CNBD1: variants seen among roughly 807,000 people sequenced by gnomAD.
CNBD1 encodes cyclic nucleotide binding domain containing 1, also known as cyclic nucleotide-binding domain-containing protein 1.
Under a neutral mutation model 54.4 loss-of-function variants are expected in CNBD1, and 71 were observed. The observed-to-expected ratio is 1.30, with a 90% CI of 1.08 to 1.59. CNBD1 has a LOEUF of 1.59. Ranked by LOEUF, CNBD1 falls within the 40% of genes most tolerant of loss-of-function variation. The pLI is 0.00. For synonymous variants in CNBD1, 182 were observed against 170.7 expected (o/e 1.07, Z -0.51); for missense variants, 659 against 518.0 (o/e 1.27, Z -2.64).
intron 8 of CNBD1, among the ~76,000 whole-genome samples, chr8:87,332,034 T>C (rs1488341256): frequency 6.6e-6 from 1 of 152,180 alleles, no homozygotes; most frequent in Admixed American, 6.5e-5. Context: ...TGATGATAGA[T>C]TCTTTTGCTG....
At chr8:86,950,052 GTTTTTTTTTTTT>G (rs55781806) in intron 4 of CNBD1, among the ~76,000 whole-genome samples, 1 of 14,368 alleles carries the variant, frequency 7.0e-5, no homozygotes, top group Admixed American at 1.0e-3. Context: ...TGCCTCCCGG[GTTTTTTTTTTTT>G]TTTTTTTTTT....
rs113928689 is a variant in CNBD1, at chr8:87,118,696, G to A, written c.432-87297G>A. On this transcript the variant is annotated intron_variant, in intron 4 of 10. Transcript: ENST00000518476. ...ATGATTTGGGATCAAATGAACGTTC[G>A]TTATATATTCTCCTCTTAGTGGTTC... is the stretch of plus-strand genomic sequence containing the variant. Among the ~76,000 whole-genome samples the A allele has an allele frequency of 3.3e-3, 505 of 152,242 alleles. 4 individuals carry two copies. The highest frequency in any genetic ancestry group is 0.011 in the African/African-American group (466 of 41,556).
intron 2 of CNBD1, among the ~76,000 whole-genome samples, chr8:86,888,119 T>A (rs1490834543): frequency 1.3e-5 from 2 of 152,182 alleles, no homozygotes; most frequent in Non-Finnish European, 2.9e-5. Context: ...TTTCCTTCCA[T>A]ATGCATCAGT....
intron 1 of CNBD1, among the ~76,000 whole-genome samples, chr8:86,886,041 C>G (rs1301431727): frequency 6.6e-6 from 1 of 152,096 alleles, no homozygotes; most frequent in African/African-American, 2.4e-5. Flanking sequence ...TTTAAAGCCT[C>G]TCTTTTTTGG....
intron 7 of CNBD1, among the ~76,000 whole-genome samples, chr8:87,285,637 A>C (rs894536088): frequency 2.6e-4 from 39 of 152,184 alleles, no homozygotes; most frequent in African/African-American, 9.1e-4. Flanking sequence ...TTAGGAGACC[A>C]AGGCAGGCAG....
intron 4 of CNBD1, among the ~76,000 whole-genome samples, chr8:87,180,895 T>C (rs1813298202): frequency 6.6e-6 from 1 of 152,142 alleles, no homozygotes; most frequent in Non-Finnish European, 1.5e-5. Flanking sequence ...TTTATTGATT[T>C]TATTTGCTGT....
chr8:86,981,405 AC>A (rs1311076393), intron 4 of CNBD1, among the ~76,000 whole-genome samples: 1 of 152,192 alleles, frequency 6.6e-6, no homozygotes, highest in Non-Finnish European at 1.5e-5. Flanking sequence ...TCTCTTGGTA[AC>A]ATCACAATTC....
chr8:87,178,595 C>A (rs1813246966), intron 4 of CNBD1, among the ~76,000 whole-genome samples: 1 of 152,174 alleles, frequency 6.6e-6, no homozygotes, highest in Non-Finnish European at 1.5e-5. Flanking sequence ...CTGATGGAAT[C>A]TAGCGACAAA....
intron 4 of CNBD1, among the ~76,000 whole-genome samples, chr8:87,180,078 GA>G (rs1049484631): frequency 6.6e-6 from 1 of 151,930 alleles, no homozygotes; most frequent in African/African-American, 2.4e-5. Context: ...AGCACGAAGT[GA>G]AAACTTAAAT....
At chr8:87,285,645 C>T (rs1028528136) in intron 7 of CNBD1, among the ~76,000 whole-genome samples, 2 of 151,672 alleles carry the variant, frequency 1.3e-5, no homozygotes, top group African/African-American at 4.8e-5. Context: ...CCAAGGCAGG[C>T]AGATCAGCTG....
chr8:87,373,566 G>A (rs563082211), intron 10 of CNBD1, among the ~76,000 whole-genome samples: 1 of 151,864 alleles, frequency 6.6e-6, no homozygotes, highest in African/African-American at 2.4e-5. Flanking sequence ...TTAGATGACT[G>A]GTATGTAAAG....
chr8:86,943,292 T>C (rs931264160), intron 4 of CNBD1, among the ~76,000 whole-genome samples: 42 of 147,684 alleles, frequency 2.8e-4, no homozygotes, highest in African/African-American at 9.4e-4. Flanking sequence ...GAGGCAGGAA[T>C]TGCTTGAACG....
At chr8:87,006,016 TAAGAA>T (rs1375130982) in intron 4 of CNBD1, among the ~76,000 whole-genome samples, 3 of 152,164 alleles carry the variant, frequency 2.0e-5, no homozygotes, top group Non-Finnish European at 4.4e-5. Flanking sequence ...GTAAATGCTC[TAAGAA>T]AAGGGAGGAA....
intron 8 of CNBD1, among the ~76,000 whole-genome samples, chr8:87,334,719 C>CTTTTTTTTTTTTTTT (rs758083191): frequency 7.9e-6 from 1 of 126,146 alleles, no homozygotes; most frequent in Non-Finnish European, 1.7e-5. Flanking sequence ...TTTCTTTTTT[C>CTTTTTTTTTTTTTTT]TTTTCTTTTT....
At chr8:87,344,681 A>C (rs1187963358) in intron 8 of CNBD1, among the ~76,000 whole-genome samples, 2 of 151,874 alleles carry the variant, frequency 1.3e-5, no homozygotes, top group Non-Finnish European at 2.9e-5. Context: ...TTGTGAAATT[A>C]ATCAGGTACG....
chr8:86,968,224 C>G (rs1241814710), intron 4 of CNBD1, among the ~76,000 whole-genome samples: 41 of 152,138 alleles, frequency 2.7e-4, no homozygotes, highest in Non-Finnish European at 4.4e-5. Context: ...TATTTCAAAC[C>G]ATTTTTTTGT....
intron 2 of CNBD1, among the ~76,000 whole-genome samples, chr8:87,398,001 C>G (rs911468242): frequency 6.6e-6 from 1 of 151,918 alleles, no homozygotes; most frequent in African/African-American, 2.4e-5. Flanking sequence ...CCATGTGGAA[C>G]TGTAAGTCCA....
At chr8:87,385,537 G>A (rs138040515), downstream of CNBD1, among the ~76,000 whole-genome samples, 956 of 152,192 alleles carry the variant, frequency 6.3e-3, 11 homozygotes, top group African/African-American at 0.022. Flanking sequence ...AGCAGTCTGA[G>A]ATCAAACTGC....
chr8:87,382,967 A>G (rs7831408), downstream of CNBD1: 161,147 of 178,696 alleles, frequency 0.9, 73,061 homozygotes, highest in African/African-American at 0.95. Context: ...GCACAAAAGG[A>G]TGGAAACATA....
Sources: allele counts gnomAD v4.1 joint callset (sites outside exome capture counted in the v4.1 genomes callset), GRCh38; gene constraint gnomAD v4.1.1; transcripts MANE v1.5; gene names NCBI Gene and HGNC (gene_info 2026-07-23, HGNC 2026-07-21).